SNAPC4: variants seen among roughly 807,000 people sequenced by gnomAD.
SNAPC4 encodes the protein small nuclear RNA activating complex polypeptide 4, also known as snRNA-activating protein complex subunit 4.
SNAPC4 carries 127 observed loss-of-function variants against 151.3 expected under a neutral mutation model. The observed-to-expected ratio is 0.84, with a 90% CI of 0.73 to 0.97. SNAPC4 has a LOEUF of 0.97. Ranked by LOEUF, SNAPC4 falls within the 50% of genes least tolerant of loss-of-function variation. The pLI, the probability that SNAPC4 is intolerant of heterozygous loss-of-function variation, is 0.00. For synonymous variants in SNAPC4, 1,002 were observed against 824.4 expected, an observed-to-expected ratio of 1.22 and a Z score of -3.69; for missense variants, 2,186 against 1,935.0, an observed-to-expected ratio of 1.13 and a Z score of -2.43.
chr9:136,395,435 A>G lies in SNAPC4; in HGVS notation c.346-12T>C. On this transcript the variant is annotated splice_polypyrimidine_tract_variant and intron_variant, in intron 4 of 23. Coordinates refer to ENST00000684778, the MANE Select transcript of SNAPC4 (RefSeq NM_003086.4). ...CTCATGAGTTCCTCCTGTGACAGAC[A>G]CAAGGCAGGGACCCCTCTATGGACC... 6.2e-7 allele frequency: 1 copy of G among 1,611,330 alleles called. No individual in the cohort carries two copies.
At chr9:136,394,170 C>T in intron 7 of SNAPC4, 79 bp downstream of exon 7, 1 of 1,172,476 alleles carries the variant, frequency 8.5e-7, no homozygotes, top group Non-Finnish European at 1.3e-6. Context: ...CTGCCTTGGC[C>T]TCCCAAAGTG....
At chr9:136,394,226 T>C in intron 7 of SNAPC4, 23 bp downstream of exon 7, 2 of 1,593,516 alleles carry the variant, frequency 1.3e-6, no homozygotes, top group Non-Finnish European at 1.7e-6. Flanking sequence ...AAGACCGTTT[T>C]TGACTTATGG....
intron 13 of SNAPC4, 103 bp from the exon 14 acceptor site, chr9:136,384,917 C>T (rs1197863112): frequency 1.7e-6 from 1 of 603,154 alleles, no homozygotes; most frequent in East Asian, 2.9e-5. Flanking sequence ...ACTAAAGGCG[C>T]AAGCAACAAA....
chr9:136,390,304 C>T lies in SNAPC4; in HGVS notation c.975+1638G>A, dbSNP rs181706591. The stretch of plus-strand genomic sequence containing the variant: ...GGCGCGGTGGCTCACGTCTGTAATC[C>T]CAGCACTTTGGGAGGCTGAGGCCGG... On this transcript the variant is annotated intron_variant, in intron 10 of 23. Transcript: ENST00000684778. Among the ~76,000 whole-genome samples the T allele has an allele frequency of 2.3e-3, 345 of 152,144 alleles. 2 individuals are homozygous for T. Among genetic ancestry groups the T allele is most frequent in the African/African-American group, 8.2e-3 (339 of 41,498 alleles).
chr9:136,399,878 C>G (rs1456804592), intron 1 of SNAPC4, among the ~76,000 whole-genome samples: 2 of 152,174 alleles, frequency 1.3e-5, no homozygotes, highest in Non-Finnish European at 2.9e-5. Flanking sequence ...GCCCTGCAGC[C>G]GGGGCCGCCC....
chr9:136,382,356 A>T lies in SNAPC4; in HGVS notation c.1984-20T>A. 1 of 1,610,994 alleles carries T rather than the reference A, an allele frequency of 6.2e-7. No homozygotes were observed. On this transcript the variant is annotated intron_variant, in intron 16 of 23. Transcript: ENST00000684778. ...CCCACCCTGATGAGAAAGCTGCCTG[A>T]GGCGAGGCACGCGGGGTGTACGGGA...
chr9:136,383,662 G>C lies in SNAPC4; in HGVS notation c.1507C>G (p.Gln503Glu). ...SKWKIMMGKK[Q>E]GLRRRRRRAR... is the part of the protein sequence containing the mutation. Reference sequence around the variant, plus strand: ...CTCCGCCGCCGCCTCCGGAGACCCTGCTTCTTCTGAGGGGAGGAAAGAGCT... The same window carrying C: ...CTCCGCCGCCGCCTCCGGAGACCCTCCTTCTTCTGAGGGGAGGAAAGAGCT... Residue 503 changes from glutamine (Q) to glutamate (E), a missense_variant, in exon 16 of 24, where the codon CAG becomes GAG. By Grantham distance (29) the Gln-to-Glu change is conservative. Coordinates refer to ENST00000684778, the MANE Select transcript of SNAPC4 (RefSeq NM_003086.4). The surrounding 1 kb of genome is among the most constrained non-coding windows in gnomAD (Gnocchi z 4.2). 6.2e-7 allele frequency: 1 copy of C among 1,602,332 alleles called. No homozygotes were observed. The highest frequency in any genetic ancestry group is 8.5e-7 in the Non-Finnish European group (1 of 1,173,850).
intron 2 of SNAPC4, 105 bp from the exon 3 acceptor site, chr9:136,397,128 G>A (rs1005755172): frequency 1.1e-5 from 11 of 1,004,508 alleles, no homozygotes; most frequent in Non-Finnish European, 1.3e-5. Context: ...GTGAGGTAGT[G>A]ACAGCGCCTC....
chr9:136,379,327 T>C (rs951912419), intron 21 of SNAPC4, 28 bp from the exon 22 acceptor site: 3 of 1,611,422 alleles, frequency 1.9e-6, no homozygotes, highest in Non-Finnish European at 2.5e-6. Flanking sequence ...CCACACTTGA[T>C]AAGCCCCAGG....
At chr9:136,398,472 C>G (rs760900653) in intron 1 of SNAPC4, 35 bp from the exon 2 acceptor site, 8 of 1,598,242 alleles carry the variant, frequency 5.0e-6, no homozygotes, top group Non-Finnish European at 6.8e-6. Context: ...TGTTAGAAAC[C>G]AAGACCGTGC....
Position 136,378,632 on chromosome 9 carries a change from CCCT to C in SNAPC4, c.3192_3194del (p.Gly1065del), listed in dbSNP as rs764522599. ...GGGGGACACTGGTCGCCACATGTGG[CCCT>C]CCTATGTGCGTCAGGCTGAGGGGCT... On this transcript the variant is annotated inframe_deletion, in exon 22 of 24. Coordinates refer to ENST00000684778, the MANE Select transcript of SNAPC4 (RefSeq NM_003086.4). The C allele has an allele frequency of 1.7e-5, 27 of 1,553,798 alleles. No homozygotes were observed. Among genetic ancestry groups the C allele is most frequent in the Admixed American group, 5.8e-5 (3 of 51,286 alleles).
rs761583782 is a variant in SNAPC4, at chr9:136,381,846, T to A, written c.2295A>T (p.Arg765Ser). The A allele has an allele frequency of 1.2e-6, 2 of 1,600,856 alleles. No individual in the cohort carries two copies. The highest frequency in any genetic ancestry group is 4.5e-5 in the East Asian group (2 of 44,822). Residue 765 changes from arginine (R) to serine (S), a missense_variant, in exon 18 of 24, where the codon AGA (arginine) becomes AGT (serine). By Grantham distance (110) the Arg-to-Ser change is moderately radical. Coordinates refer to ENST00000684778, the MANE Select transcript of SNAPC4 (RefSeq NM_003086.4). Reference protein sequence around the residue: ...VVVPCTQASQRPAVVQTQADG... With the variant: ...VVVPCTQASQSPAVVQTQADG... Reference sequence around the variant, plus strand: ...TACCTTGAGTCTGCACTACGGCGGGTCTCTGGGAAGCCTGTGTGCAGGGCA... The same window carrying A: ...TACCTTGAGTCTGCACTACGGCGGGACTCTGGGAAGCCTGTGTGCAGGGCA...
At position 136,379,034 on chromosome 9, in the gene SNAPC4, G is replaced by A. The variant is rs888733925; in HGVS notation, c.2793C>T (p.Pro931=). 1.3e-6 allele frequency: 2 copies of A among 1,598,438 alleles called. No individual in the cohort carries two copies. Among genetic ancestry groups the A allele is most frequent in the African/African-American group, 2.7e-5 (2 of 74,890 alleles). ...GGCCGTGTGGGGTGTGTGGTAGAGG[G>A]GGCTGGAGGATCACAGACGAGGAGA... The part of the protein sequence containing the change: ...LLVSSSVILQ[P]PLPHTPHGRP... Residue 931 remains proline (P), a synonymous_variant, in exon 22 of 24, where the codon CCC becomes CCT. Coordinates refer to ENST00000684778, the MANE Select transcript of SNAPC4 (RefSeq NM_003086.4).
In SNAPC4 at chr9:136,377,786, T is replaced by C. The variant is rs1295350882; in HGVS notation, c.4041A>G (p.Ser1347=). 8 of 1,611,948 alleles carry C rather than the reference T, an allele frequency of 5.0e-6. No homozygotes were observed. The highest frequency in any genetic ancestry group is 3.3e-5 in the South Asian group (3 of 91,062). The part of the protein sequence containing the change: ...AERPAGALQA[S]LGLVRGQLQD... Reference sequence around the variant, plus strand: ...GGAGCTGCCCCCGCACCAGCCCCAGTGAGGCTTGCAGTGCTCCGGCCGGCC... The same window carrying C: ...GGAGCTGCCCCCGCACCAGCCCCAGCGAGGCTTGCAGTGCTCCGGCCGGCC... The change falls in exon 22 of 24, where the codon TCA becomes TCG. Residue 1347 remains serine (S), a synonymous_variant. Coordinates refer to ENST00000684778, the MANE Select transcript of SNAPC4 (RefSeq NM_003086.4).
chr9:136,388,343 T>C (rs2131491649), intron 11 of SNAPC4, 101 bp downstream of exon 11: 1 of 1,219,438 alleles, frequency 8.2e-7, no homozygotes, highest in South Asian at 1.4e-5. Context: ...TAAGCCCTCG[T>C]CTGTCTTGTT....
intron 7 of SNAPC4, among the ~76,000 whole-genome samples, 192 bp downstream of exon 7, chr9:136,394,057 A>G (rs1316783568): frequency 1.3e-5 from 2 of 152,190 alleles, no homozygotes; most frequent in East Asian, 3.9e-4. Context: ...AGCTGGGACC[A>G]CAGGTGTGCA....
intron 1 of SNAPC4, among the ~76,000 whole-genome samples, chr9:136,399,391 A>G (rs11145889): frequency 0.23 from 34,769 of 152,082 alleles, 4,141 homozygotes; most frequent in Admixed American, 0.28. Context: ...AACTCAGTTA[A>G]CAGCCGGCCA....
In SNAPC4 at chr9:136,378,232, C is replaced by T; in HGVS notation, c.3595G>A (p.Glu1199Lys). 2 of 1,611,388 alleles carry T rather than the reference C, an allele frequency of 1.2e-6. No individual in the cohort carries two copies. Among genetic ancestry groups the T allele is most frequent in the Non-Finnish European group, 1.7e-6 (2 of 1,179,408 alleles). ...GGCAGCCTCCCGGACCAAGGGGGTT[C>T]TGCTTCAGGAGGGTCAGCGTGGGAG... ...TSSHADPPEA[E>K]PPWSGRLPAF... Residue 1199 changes from glutamate (E) to lysine (K), a missense_variant, in exon 22 of 24, where the codon GAA becomes AAA. Transcript: ENST00000684778.
At position 136,384,719 on chromosome 9, in the gene SNAPC4, C is replaced by T. The variant is rs753460261; in HGVS notation, c.1420+1G>A. On this transcript the variant is annotated splice_donor_variant, in intron 14 of 23. Coordinates refer to ENST00000684778, the MANE Select transcript of SNAPC4 (RefSeq NM_003086.4). LOFTEE classifies it high-confidence loss of function. ...AGAAGAACAAACTGTCAGCAACTTA[C>T]CGACACCATATTTTTCTATTAATTC... 1 of 1,433,884 alleles carries T rather than the reference C, an allele frequency of 7.0e-7. No homozygotes were observed. Among genetic ancestry groups the T allele is most frequent in the South Asian group, 1.2e-5 (1 of 81,806 alleles). 88.8% of individuals were successfully genotyped at this position (1,433,884 alleles called of 1,614,324 possible).
Sources: gnomAD v4.1 joint callset for allele counts (sites outside exome capture counted in the v4.1 genomes callset) on GRCh38, gnomAD v4.1.1 for gene constraint, Gnocchi (gnomAD v3.1) non-coding constraint, MANE v1.5 for transcripts, NCBI Gene and HGNC (gene_info 2026-07-23, HGNC 2026-07-21) for gene names.